TAFA5: variants seen among roughly 807,000 people sequenced by gnomAD.
The protein encoded by TAFA5 is TAFA chemokine like family member 5.
In TAFA5, 6 loss-of-function variants were observed where a neutral mutation model predicts 15.3. The observed-to-expected ratio is 0.39, with a 90% CI of 0.21 to 0.77. The LOEUF (loss-of-function observed/expected upper bound fraction) is 0.77, where lower values mean the gene tolerates loss of function less well. Among genes scored for constraint, TAFA5 ranks in the 30% least tolerant of loss-of-function variants. TAFA5 has a pLI of 0.41. For synonymous variants in TAFA5, 103 were observed against 80.7 expected, an observed-to-expected ratio of 1.28 and a Z score of -1.48; for missense variants, 161 against 193.1, an observed-to-expected ratio of 0.83 and a Z score of 0.98.
intron 1 of TAFA5, chr22:48,546,701 C>T: frequency 2.3e-6 from 1 of 431,680 alleles, no homozygotes; most frequent in Non-Finnish European, 4.8e-6. Flanking sequence ...ACCTCCATTC[C>T]TCCAGGTGCC....
chr22:48,561,855 G>A (rs527279089), intron 1 of TAFA5, among the ~76,000 whole-genome samples: 3 of 152,324 alleles, frequency 2.0e-5, no homozygotes, highest in East Asian at 1.9e-4. Flanking sequence ...GGACCAGTCC[G>A]GGGCCACACA....
At chr22:48,603,951 C>T (rs150078217) in intron 1 of TAFA5, among the ~76,000 whole-genome samples, 7 of 152,290 alleles carry the variant, frequency 4.6e-5, no homozygotes, top group Non-Finnish European at 8.8e-5. Flanking sequence ...GCATATTCCC[C>T]ATTGCTGACT....
chr22:48,560,478 C>T lies in TAFA5; in HGVS notation c.112+70774C>T, dbSNP rs1179689242. Among the ~76,000 whole-genome samples, 1 of 152,172 alleles carries T rather than the reference C, an allele frequency of 6.6e-6. No homozygotes were observed. Among genetic ancestry groups the T allele is most frequent in the Admixed American group, 6.5e-5 (1 of 15,286 alleles). On this transcript the variant is annotated intron_variant, in intron 1 of 3. Transcript: ENST00000402357. This position sits in a 1 kb window ranked among gnomAD's most constrained non-coding sequence, Gnocchi z 4.2. The stretch of plus-strand genomic sequence containing the variant: ...CGGGCAAGGACAGTGCCAGCAGGCG[C>T]CCCCAGTGTGAACTAATGTGAGGTG...
chr22:48,609,254 CA>C (rs1925309751), intron 1 of TAFA5, among the ~76,000 whole-genome samples: 1 of 152,192 alleles, frequency 6.6e-6, no homozygotes, highest in African/African-American at 2.4e-5. Flanking sequence ...ATTGTGTTTT[CA>C]GAAATCAAAG....
intron 3 of TAFA5, among the ~76,000 whole-genome samples, chr22:48,709,830 G>A (rs1003558766): frequency 5.3e-5 from 8 of 152,356 alleles, no homozygotes; most frequent in African/African-American, 1.9e-4. Context: ...GCCCTGCTGA[G>A]CCAGTGACAG....
intron 1 of TAFA5, among the ~76,000 whole-genome samples, chr22:48,617,977 T>TAAA (rs1925672570): frequency 6.6e-6 from 1 of 152,222 alleles, no homozygotes; most frequent in Non-Finnish European, 1.5e-5. Flanking sequence ...GCGCGGTTTT[T>TAAA]ATGGCCATTT....
At chr22:48,689,006 AAAAAAG>A (rs1216935621) in intron 2 of TAFA5, among the ~76,000 whole-genome samples, 5,386 of 125,294 alleles carry the variant, frequency 0.043, 315 homozygotes, top group African/African-American at 0.17. Context: ...AAAAAAAAAA[AAAAAAG>A]AGAGAGAAAA....
At chr22:48,709,289 G>A (rs759162872) in intron 3 of TAFA5, among the ~76,000 whole-genome samples, 41 of 152,146 alleles carry the variant, frequency 2.7e-4, no homozygotes, top group Non-Finnish European at 4.3e-4. Flanking sequence ...TTGTTTATCT[G>A]GCATTAAGTG....
chr22:48,683,744 T>C (rs990246609), intron 2 of TAFA5, among the ~76,000 whole-genome samples: 8 of 152,250 alleles, frequency 5.3e-5, no homozygotes, highest in Non-Finnish European at 8.8e-5. Context: ...CCAAATCTCA[T>C]GTTGAATTGT....
chr22:48,661,571 C>T (rs193231379), intron 2 of TAFA5, among the ~76,000 whole-genome samples: 327 of 152,322 alleles, frequency 2.1e-3, no homozygotes, highest in African/African-American at 7.6e-3. Flanking sequence ...GGACACTGAT[C>T]AGTGCCCAGG....
In TAFA5 at chr22:48,496,429, T is replaced by C. The variant is rs146965348; in HGVS notation, c.112+6725T>C. Among the ~76,000 whole-genome samples, 24 of 152,026 alleles carry C rather than the reference T, an allele frequency of 1.6e-4. No homozygotes were observed. In the East Asian group the frequency reaches 4.7e-3, roughly 29 times the overall value. On this transcript the variant is annotated intron_variant, in intron 1 of 3. Coordinates refer to ENST00000402357, the MANE Select transcript of TAFA5 (RefSeq NM_001082967.3). ...ATCTGCTGGGCAGTGAGCTGTACGGTGAGGCAGCCACAGGGAACCTCCCAG... is the reference window on the plus strand; with the variant it reads ...ATCTGCTGGGCAGTGAGCTGTACGGCGAGGCAGCCACAGGGAACCTCCCAG...
At chr22:48,637,561 TA>T (rs1926495032) in intron 1 of TAFA5, among the ~76,000 whole-genome samples, 1 of 152,204 alleles carries the variant, frequency 6.6e-6, no homozygotes, top group Admixed American at 6.5e-5. Flanking sequence ...AAAGTGCCTT[TA>T]CCCCTGTGGT....
intron 1 of TAFA5, among the ~76,000 whole-genome samples, chr22:48,579,478 C>T (rs1057252884): frequency 6.6e-6 from 1 of 152,126 alleles, no homozygotes; most frequent in African/African-American, 2.4e-5. Flanking sequence ...GGGACGAGGG[C>T]GGGAATCCCA....
intron 2 of TAFA5, among the ~76,000 whole-genome samples, chr22:48,661,951 G>A (rs1302955294): frequency 1.4e-5 from 2 of 147,306 alleles, no homozygotes; most frequent in African/African-American, 2.5e-5. Flanking sequence ...ATGGTGACTG[G>A]GGGCTCATTG....
rs116669338 is a variant in TAFA5, at chr22:48,495,502, T to C, written c.112+5798T>C. On this transcript the variant is annotated intron_variant, in intron 1 of 3. Coordinates refer to ENST00000402357, the MANE Select transcript of TAFA5 (RefSeq NM_001082967.3). ...AATGTCAGGGACCTCCCAGAGGTGG[T>C]GAGAGGCAGCCCAAGATCTAGCTCT... 3.7e-3 allele frequency among the ~76,000 whole-genome samples: 556 copies of C among 152,206 alleles called. 2 individuals carry two copies. The highest frequency in any genetic ancestry group is 0.013 in the African/African-American group (542 of 41,536).
At chr22:48,741,209 GC>G (rs1242485748) in intron 3 of TAFA5, among the ~76,000 whole-genome samples, 3 of 152,192 alleles carry the variant, frequency 2.0e-5, no homozygotes, top group Admixed American at 2.0e-4. Flanking sequence ...CCCAGATCCT[GC>G]CCCCCGTTCC....
chr22:48,700,096 T>G (rs553913650), intron 2 of TAFA5, among the ~76,000 whole-genome samples: 1 of 152,280 alleles, frequency 6.6e-6, no homozygotes, highest in South Asian at 2.1e-4. Context: ...GGACAGCATT[T>G]GGAAATAAGT....
chr22:48,498,469 G>A (rs923710545), intron 1 of TAFA5, among the ~76,000 whole-genome samples: 1 of 152,074 alleles, frequency 6.6e-6, no homozygotes, highest in African/African-American at 2.4e-5. Flanking sequence ...GCTCAGAATT[G>A]GTAGGTATAT....
chr22:48,542,638 ATGTG>A (rs1555886629), intron 1 of TAFA5, among the ~76,000 whole-genome samples: 1 of 84,966 alleles, frequency 1.2e-5, no homozygotes, highest in East Asian at 4.4e-4. Flanking sequence ...TGGGTGTGTG[ATGTG>A]TGTGTGTGGT....
Sources: gnomAD v4.1 joint callset for allele counts (sites outside exome capture counted in the v4.1 genomes callset) on GRCh38, gnomAD v4.1.1 for gene constraint, Gnocchi (gnomAD v3.1) non-coding constraint, MANE v1.5 for transcripts, NCBI Gene and HGNC (gene_info 2026-07-23, HGNC 2026-07-21) for gene names.